SIRPG: variants seen among roughly 807,000 people sequenced by gnomAD.
SIRPG encodes signal-regulatory protein gamma.
SIRPG carries 38 observed loss-of-function variants against 35.7 expected under a neutral mutation model. The observed-to-expected ratio is 1.06, with a 90% CI of 0.82 to 1.40. SIRPG has a LOEUF of 1.40. Ranked by LOEUF, SIRPG falls within the 40% of genes most tolerant of loss-of-function variation. SIRPG has a pLI of 0.00. For missense variants in SIRPG, 519 were observed against 483.0 expected (o/e 1.07, Z -0.70); for synonymous variants, 215 against 190.4 (o/e 1.13, Z -1.06).
rs2091790644 is a variant in SIRPG at position 1,635,484 on chromosome 20, A to G, written c.864T>C (p.Asn288=). ...PQSLQLTWSE[N]GNVCQRETAS... ...CTGTTTCTCTCTGGCACACGTTTCC[A>G]TTCTCCGACCAGGTCAGCTGTAGGC... The change falls in exon 4 of 6, where the codon AAT becomes AAC. Residue 288 remains asparagine (N), a synonymous_variant. Transcript: ENST00000303415. The G allele has an allele frequency of 6.2e-7, 1 of 1,613,930 alleles. No individual in the cohort carries two copies. Among genetic ancestry groups the G allele is most frequent in the Non-Finnish European group, 8.5e-7 (1 of 1,179,996 alleles).
chr20:1,684,772 A>G, the SIRPG span, among the ~76,000 whole-genome samples: 2 of 152,226 alleles, frequency 1.3e-5, no homozygotes, highest in Non-Finnish European at 2.9e-5. Flanking sequence ...GTAGGGGACA[A>G]TGGACAAGCT....
chr20:1,670,976 C>A, the SIRPG span: 1 of 350,394 alleles, frequency 2.9e-6, no homozygotes, highest in Non-Finnish European at 5.8e-6. Context: ...CAAAGGTCTC[C>A]AGAGGCCAGC....
the SIRPG span, among the ~76,000 whole-genome samples, chr20:1,668,533 C>T: frequency 5.7e-4 from 87 of 152,236 alleles, no homozygotes; most frequent in African/African-American, 1.8e-3. Flanking sequence ...CCAACCACCT[C>T]GGTCTCCCAA....
chr20:1,636,050 AC>A, intron 3 of SIRPG, 137 bp downstream of exon 3: 1 of 1,236,364 alleles, frequency 8.1e-7, no homozygotes, highest in Non-Finnish European at 1.1e-6. Flanking sequence ...TGACCAGCAC[AC>A]CTAGGTGCAT....
rs1173568290 is a variant in SIRPG, at chr20:1,649,290, GACGGGTCCCACGGGA to G, written c.177_191del (p.Pro60_Val64del). ...CTGGTCCAACTCCTCTGAACCACAG[GACGGGTCCCACGGGA>G]AGCAGGGAGGTCACAGTGCAGTGCA... is the stretch of plus-strand genomic sequence containing the variant. On this transcript the variant is annotated inframe_deletion, in exon 2 of 6. Coordinates refer to ENST00000303415, the MANE Select transcript of SIRPG (RefSeq NM_018556.4). The G allele has an allele frequency of 6.2e-7, 1 of 1,614,136 alleles. No individual in the cohort carries two copies. The highest frequency in any genetic ancestry group is 2.2e-5 in the East Asian group (1 of 44,876).
At chr20:1,679,702 C>A in the SIRPG span, among the ~76,000 whole-genome samples, 1 of 152,104 alleles carries the variant, frequency 6.6e-6, no homozygotes, top group Admixed American at 6.6e-5. Flanking sequence ...TAGACCCAAT[C>A]AGCAGGACTT....
chr20:1,681,307 G>C, the SIRPG span, among the ~76,000 whole-genome samples: 1 of 152,194 alleles, frequency 6.6e-6, no homozygotes, highest in African/African-American at 2.4e-5. Flanking sequence ...TTTGGGAAGA[G>C]TAATGGTGAA....
At chr20:1,673,835 C>T in the SIRPG span, among the ~76,000 whole-genome samples, 1 of 152,188 alleles carries the variant, frequency 6.6e-6, no homozygotes, top group East Asian at 1.9e-4. Flanking sequence ...GGCAGGGAGG[C>T]TCCTGGGGCT....
the SIRPG span, among the ~76,000 whole-genome samples, chr20:1,667,165 G>T: frequency 1.3e-5 from 2 of 152,118 alleles, no homozygotes; most frequent in Non-Finnish European, 2.9e-5. Context: ...TCAAAGTGCT[G>T]GGATTACAGG....
At chr20:1,633,478 A>G (rs2091767002) in intron 4 of SIRPG, 1 of 152,224 alleles carries the variant, frequency 6.6e-6, no homozygotes, top group Non-Finnish European at 1.5e-5. Flanking sequence ...AACTGTAATA[A>G]TGATACTGGT....
chr20:1,662,671 A>G (rs1268094508), upstream of SIRPG, among the ~76,000 whole-genome samples: 1 of 152,234 alleles, frequency 6.6e-6, no homozygotes, highest in East Asian at 1.9e-4. Context: ...AATTATGAGG[A>G]TCACAGAACA....
chr20:1,642,514 CTT>C (rs1481652752), intron 2 of SIRPG, among the ~76,000 whole-genome samples: 2 of 152,192 alleles, frequency 1.3e-5, no homozygotes, highest in Non-Finnish European at 2.9e-5. Context: ...GGGCTTGACT[CTT>C]TATCCAATTT....
Position 1,635,297 on chromosome 20 carries a change from G to A in SIRPG, c.1051C>T (p.Gln351Ter), listed in dbSNP as rs2091788031. 2.5e-6 allele frequency: 4 copies of A among 1,613,698 alleles called. No homozygotes were observed. The highest frequency in any genetic ancestry group is 3.4e-6 in the Non-Finnish European group (4 of 1,179,610). The change falls in exon 4 of 6, where the codon CAG becomes TAG. Residue 351 changes from glutamine to a stop codon, truncating the protein, a stop_gained. Coordinates refer to ENST00000303415, the MANE Select transcript of SIRPG (RefSeq NM_018556.4). LOFTEE classifies it high-confidence loss of function. ...GTAGCATCTGAGCTCTGGTCCTTCT[G>A]GTGGACTGTGACCTCTAGGGCAAGG... ...KRLALEVTVH[Q>*]KDQSSDATPG...
chr20:1,684,609 T>C, the SIRPG span, among the ~76,000 whole-genome samples: 6 of 152,234 alleles, frequency 3.9e-5, no homozygotes, highest in African/African-American at 1.4e-4. Context: ...ACTCTGAGTG[T>C]CACTTCTCTG....
chr20:1,650,438 A>G (rs1227296552), intron 1 of SIRPG, among the ~76,000 whole-genome samples: 1 of 152,212 alleles, frequency 6.6e-6, no homozygotes, highest in Non-Finnish European at 1.5e-5. Context: ...AGAAACTTAG[A>G]AGTTGAAAAT....
chr20:1,665,073 G>A, the SIRPG span, among the ~76,000 whole-genome samples: 1 of 152,160 alleles, frequency 6.6e-6, no homozygotes, highest in Non-Finnish European at 1.5e-5. Context: ...CAGCCTTGCT[G>A]TAACCCACTT....
chr20:1,655,698 A>C (rs1436097408), intron 1 of SIRPG, among the ~76,000 whole-genome samples: 1 of 152,206 alleles, frequency 6.6e-6, no homozygotes, highest in Non-Finnish European at 1.5e-5. Flanking sequence ...AAAATGATAA[A>C]TATGTAAGGT....
the SIRPG span, chr20:1,671,093 TG>T: frequency 2.3e-6 from 1 of 428,718 alleles, no homozygotes. Flanking sequence ...CATTTCAGGG[TG>T]GTGTTTCAGG....
chr20:1,661,652 C>T (rs917978335), upstream of SIRPG, among the ~76,000 whole-genome samples: 2 of 152,200 alleles, frequency 1.3e-5, no homozygotes, highest in African/African-American at 4.8e-5. Flanking sequence ...AGGAGGGCAT[C>T]TGCTTATCTG....
Sources: allele counts gnomAD v4.1 joint callset (sites outside exome capture counted in the v4.1 genomes callset), GRCh38; gene constraint gnomAD v4.1.1; transcripts MANE v1.5; gene names NCBI Gene and HGNC (gene_info 2026-07-23, HGNC 2026-07-21).